The following FBN2 variants were observed in gnomAD, a reference collection of about 807,000 sequenced individuals.
FBN2 encodes the protein fibrillin 2.
A neutral mutation model predicts 355.6 loss-of-function variants in FBN2; 105 were observed. That is an observed-to-expected ratio of 0.30 (90% CI 0.25 to 0.35). The LOEUF (loss-of-function observed/expected upper bound fraction) is 0.35, where lower values mean the gene tolerates loss of function less well. Ranked by LOEUF, FBN2 falls within the 10% of genes least tolerant of loss-of-function variation. The probability of loss-of-function intolerance (pLI) is 1.00; values close to 1 mark genes in which losing one functional copy is unlikely to be tolerated. For missense variants in FBN2, 3,280 were observed against 3,758.7 expected (o/e 0.87, Z 3.33); for synonymous variants, 1,350 against 1,301.2 (o/e 1.04, Z -0.81).
intron 30 of FBN2, 70 bp from the exon 31 acceptor site, chr5:128,334,914 A>C (rs1750795020): frequency 7.4e-7 from 1 of 1,354,192 alleles, no homozygotes; most frequent in South Asian, 1.2e-5. Context: ...TTCTACACTG[A>C]ATAGCATAAT....
intron 5 of FBN2, among the ~76,000 whole-genome samples, chr5:128,489,591 T>A (rs1052721856): frequency 6.6e-6 from 1 of 152,152 alleles, no homozygotes; most frequent in African/African-American, 2.4e-5. Flanking sequence ...ATTTTTTAAA[T>A]GAAAGGAATT....
intron 19 of FBN2, among the ~76,000 whole-genome samples, chr5:128,361,288 G>C (rs1751631558): frequency 6.6e-6 from 1 of 152,140 alleles, no homozygotes. Context: ...TATTTTGTGG[G>C]CTGACTTCTT....
chr5:128,427,436 CT>C (rs891458919), intron 7 of FBN2, among the ~76,000 whole-genome samples: 62 of 152,164 alleles, frequency 4.1e-4, no homozygotes, highest in Admixed American at 1.4e-3. Context: ...CCAAAAGGAT[CT>C]GCTGGCACAT....
intron 5 of FBN2, among the ~76,000 whole-genome samples, chr5:128,504,698 A>G (rs1208667612): frequency 6.6e-6 from 1 of 152,186 alleles, no homozygotes; most frequent in African/African-American, 2.4e-5. Context: ...TTTCAATTTT[A>G]CAGGCTCCTA....
intron 7 of FBN2, among the ~76,000 whole-genome samples, chr5:128,411,738 G>A (rs1385070205): frequency 1.3e-5 from 2 of 152,162 alleles, no homozygotes; most frequent in East Asian, 1.9e-4. Flanking sequence ...ATTTAGGGTC[G>A]CAGGTCCAGG....
At chr5:128,309,204 T>A (rs1749966067) in intron 41 of FBN2, 43 bp downstream of exon 41, 3 of 1,605,622 alleles carry the variant, frequency 1.9e-6, no homozygotes, top group Non-Finnish European at 2.6e-6. Context: ...TATGCGTGTA[T>A]CACTGATGTG....
intron 7 of FBN2, among the ~76,000 whole-genome samples, chr5:128,418,693 T>C (rs1165336577): frequency 6.6e-6 from 1 of 152,180 alleles, no homozygotes; most frequent in East Asian, 1.9e-4. Flanking sequence ...TTCTTATTGA[T>C]TTCTTGTTTT....
chr5:128,259,150 C>G lies in FBN2; in HGVS notation c.*305G>C. 1 of 277,452 alleles carries G rather than the reference C, an allele frequency of 3.6e-6. No individual in the cohort carries two copies. The allele number at this position is 277,452 out of a possible 1,614,324, so 17.2% of individuals were successfully genotyped here. A position where few individuals can be genotyped will look rare whatever the true frequency, so the allele number is the denominator to read the frequency against. Reference sequence around the variant, plus strand: ...TAACAGGAAAAAAAAAAAAAGCTCACATTATTTTTGTGCATTTAGTGCCAT... The same window carrying G: ...TAACAGGAAAAAAAAAAAAAGCTCAGATTATTTTTGTGCATTTAGTGCCAT... On this transcript the variant is annotated 3_prime_UTR_variant, in exon 65 of 65. Coordinates refer to ENST00000262464, the MANE Select transcript of FBN2 (RefSeq NM_001999.4).
At chr5:128,337,907 G>A (rs1750888770) in intron 27 of FBN2, 90 bp downstream of exon 27, 1 of 1,387,730 alleles carries the variant, frequency 7.2e-7, no homozygotes, top group Non-Finnish European at 1.0e-6. Context: ...TAGATTTCAT[G>A]TGCTCCTCAA....
chr5:128,327,744 T>C (rs1325200955), intron 34 of FBN2, among the ~76,000 whole-genome samples: 4 of 152,006 alleles, frequency 2.6e-5, no homozygotes, highest in Non-Finnish European at 5.9e-5. Context: ...GTTCAAGCAA[T>C]TTTCCTGCCT....
At position 128,537,509 on chromosome 5, in the gene FBN2, G is replaced by A. The variant is rs749158374; in HGVS notation, c.95C>T (p.Pro32Leu). The part of the protein sequence containing the change: ...WAQGTAGQPQ[P>L]PPPKPPRPQP... ...GGGCCGGGGCGGCTTGGGCGGAGGAGGCTGAGGCTGGCCGGCCGTGCCCTG... is the reference window on the plus strand; with the variant it reads ...GGGCCGGGGCGGCTTGGGCGGAGGAAGCTGAGGCTGGCCGGCCGTGCCCTG... Residue 32 changes from proline (P) to leucine (L), a missense_variant, in exon 1 of 65, where the codon CCT (proline) becomes CTT (leucine). By Grantham distance (98) the Pro-to-Leu change is moderately conservative (BLOSUM62 -3). Transcript: ENST00000262464. 5 of 1,577,144 alleles carry A rather than the reference G, an allele frequency of 3.2e-6. No homozygotes were observed. The highest frequency in any genetic ancestry group is 2.3e-5 in the East Asian group (1 of 42,790).
At chr5:128,365,613 A>G (rs546947267) in intron 17 of FBN2, among the ~76,000 whole-genome samples, 40 of 151,640 alleles carry the variant, frequency 2.6e-4, no homozygotes, top group Admixed American at 1.6e-3. Context: ...TAATTTGACT[A>G]AAGCTTTCTC....
intron 5 of FBN2, among the ~76,000 whole-genome samples, chr5:128,516,364 C>G (rs532970385): frequency 1.4e-5 from 2 of 148,056 alleles, no homozygotes; most frequent in Non-Finnish European, 3.0e-5. Flanking sequence ...AGCCTGTAAC[C>G]ACAAGAACTC....
chr5:128,490,728 C>T (rs1755477993), intron 5 of FBN2, among the ~76,000 whole-genome samples: 1 of 152,102 alleles, frequency 6.6e-6, no homozygotes, highest in South Asian at 2.1e-4. Context: ...TGGCACATGG[C>T]ACATGTTCAA....
At chr5:128,372,851 T>A (rs1353853546) in intron 15 of FBN2, among the ~76,000 whole-genome samples, 1 of 152,104 alleles carries the variant, frequency 6.6e-6, no homozygotes, top group Non-Finnish European at 1.5e-5. Flanking sequence ...GGTCTTGAAC[T>A]CCTGGGCTCC....
At chr5:128,287,743 T>C (rs1384113688) in intron 53 of FBN2, among the ~76,000 whole-genome samples, 1 of 152,174 alleles carries the variant, frequency 6.6e-6, no homozygotes, top group Non-Finnish European at 1.5e-5. Flanking sequence ...GACCATGGCC[T>C]GGCAGTGCTG....
At chr5:128,259,954 C>T in intron 64 of FBN2, 125 bp from the exon 65 acceptor site, 2 of 947,874 alleles carry the variant, frequency 2.1e-6, no homozygotes, top group East Asian at 2.4e-5. Context: ...CCGCTTTCTG[C>T]ACTCTCCTTA....
intron 11 of FBN2, among the ~76,000 whole-genome samples, chr5:128,381,096 G>A (rs1474053930): frequency 6.6e-6 from 1 of 151,910 alleles, no homozygotes; most frequent in Non-Finnish European, 1.5e-5. Context: ...AAGGGCTCGA[G>A]GATTACCTGT....
At chr5:128,464,703 A>C (rs755414982) in intron 6 of FBN2, 21 bp downstream of exon 6, 1 of 1,609,982 alleles carries the variant, frequency 6.2e-7, no homozygotes, top group Non-Finnish European at 8.5e-7. Context: ...GATGGTGTGC[A>C]CAGGCAGACA....
Sources: gnomAD v4.1 joint callset for allele counts (sites outside exome capture counted in the v4.1 genomes callset) on GRCh38, gnomAD v4.1.1 for gene constraint, MANE v1.5 for transcripts, NCBI Gene and HGNC (gene_info 2026-07-23, HGNC 2026-07-21) for gene names.